SETD1B: variants seen among roughly 807,000 people sequenced by gnomAD.
SETD1B encodes histone-lysine N-methyltransferase SETD1B.
Under a neutral mutation model 148.0 loss-of-function variants are expected in SETD1B, and 7 were observed. The ratio of observed to expected loss-of-function variants is 0.05; its 90% CI spans 0.03 to 0.09. The LOEUF (loss-of-function observed/expected upper bound fraction) is 0.09. SETD1B is among the 10% of genes least tolerant of loss of function. The pLI is 1.00. For synonymous variants in SETD1B, 1,361 were observed against 1,186.5 expected (o/e 1.15, Z -3.02); for missense variants, 2,155 against 2,729.9 (o/e 0.79, Z 4.69).
chr12:121,819,401 C>T lies in SETD1B; in HGVS notation c.3419-3C>T, dbSNP rs1385774615. 1.3e-6 allele frequency: 2 copies of T among 1,551,702 alleles called. No homozygotes were observed. Among genetic ancestry groups the T allele is most frequent in the Admixed American group, 2.0e-5 (1 of 50,992 alleles). On this transcript the variant is annotated splice_polypyrimidine_tract_variant and splice_region_variant and intron_variant, in intron 10 of 16. Coordinates refer to ENST00000604567, the MANE Select transcript of SETD1B (RefSeq NM_001353345.2). ...CAGCCCCTCGTCTGTGTCCCCCATC[C>T]AGAGGAGACAGTGAGCATTGTAACC...
the SETD1B span, chr12:121,793,624 G>C: frequency 1.3e-6 from 2 of 1,542,754 alleles, no homozygotes; most frequent in Non-Finnish European, 1.7e-6. Context: ...AGGGCCCCGG[G>C]GGCATCCATT....
the SETD1B span, chr12:121,793,008 G>A: frequency 4.4e-6 from 3 of 679,324 alleles, no homozygotes; most frequent in East Asian, 8.2e-5. Flanking sequence ...CGCAGCCAGC[G>A]CCCCTGAGCG....
chr12:121,807,467 G>C (rs1361986245), intron 4 of SETD1B, among the ~76,000 whole-genome samples: 1 of 146,100 alleles, frequency 6.8e-6, no homozygotes, highest in African/African-American at 2.5e-5. Flanking sequence ...AAAAAGAAAA[G>C]AAAAGAAAAG....
chr12:121,809,939 A>C lies in SETD1B; in HGVS notation c.994A>C (p.Asn332His). Reference protein sequence around the residue: ...NRRHEHHYVHNSPAVTAVAGA... With the variant: ...NRRHEHHYVHHSPAVTAVAGA... ...CCGCCACGAACATCATTATGTACAC[A>C]ATTCTCCCGCGGTCACTGCGGTGGC... is the stretch of plus-strand genomic sequence containing the variant. Residue 332 changes from asparagine to histidine, a missense_variant, in exon 6 of 17, where the codon AAT becomes CAT. Physicochemically the swap from Asn to His is moderately conservative, Grantham distance 68. Transcript: ENST00000604567. The C allele has an allele frequency of 6.4e-7, 1 of 1,551,024 alleles. No homozygotes were observed. Among genetic ancestry groups the C allele is most frequent in the Non-Finnish European group, 8.7e-7 (1 of 1,146,936 alleles).
chr12:121,820,097 A>C (rs980197074), intron 11 of SETD1B, among the ~76,000 whole-genome samples: 1 of 152,208 alleles, frequency 6.6e-6, no homozygotes, highest in African/African-American at 2.4e-5. Flanking sequence ...GCATGGATCA[A>C]CCCAAAGGGG....
intron 11 of SETD1B, 77 bp downstream of exon 11, chr12:121,819,972 C>G: frequency 1.5e-5 from 19 of 1,280,338 alleles, no homozygotes; most frequent in Non-Finnish European, 2.0e-5. Flanking sequence ...CCCGGGCTTC[C>G]TGGGGTAGAT....
upstream of SETD1B, chr12:121,800,482 T>C (rs1224053705): frequency 2.6e-5 from 4 of 151,916 alleles, no homozygotes; most frequent in East Asian, 7.8e-4. Flanking sequence ...GGTCCGCGGC[T>C]TCCGGAGGAG....
At chr12:121,806,189 C>T in intron 4 of SETD1B, 84 bp downstream of exon 4, 1 of 1,426,958 alleles carries the variant, frequency 7.0e-7, no homozygotes, top group East Asian at 2.5e-5. Flanking sequence ...TGGGGAGGAC[C>T]CCCCCTCACT....
intron 12 of SETD1B, 48 bp from the exon 13 acceptor site, chr12:121,825,152 C>T (rs1423741657): frequency 6.5e-7 from 1 of 1,538,084 alleles, no homozygotes; most frequent in Non-Finnish European, 8.8e-7. Flanking sequence ...TATGAAGGGA[C>T]CAGAAGGGGC....
rs376587616 is a variant in SETD1B at position 121,819,510 on chromosome 12, G to A, written c.3525G>A (p.Ser1175=). 2,237 of 1,551,896 alleles carry A rather than the reference G, an allele frequency of 1.4e-3. 4 individuals carry two copies. Among genetic ancestry groups the A allele is most frequent in the Non-Finnish European group, 1.8e-3 (2,067 of 1,146,786 alleles). The part of the protein sequence containing the change: ...ESSSESSPSS[S]EDEEEVVARE... ...GCTCCGAGTCCTCGCCCTCATCCTC[G>A]GAGGATGAGGAGGAGGTAGTGGCCA... The change falls in exon 11 of 17, where the codon TCG becomes TCA. Residue 1175 remains serine, a synonymous_variant. Coordinates refer to ENST00000604567, the MANE Select transcript of SETD1B (RefSeq NM_001353345.2).
chr12:121,808,856 TC>T lies in SETD1B; in HGVS notation c.657+537del, dbSNP rs934659359. ...GGCTGACTAGCTGCCACTGGCCTGT[TC>T]ATCACTTTTTTTTTGTTTTATTTAT... On this transcript the variant is annotated intron_variant, in intron 5 of 16. Coordinates refer to ENST00000604567, the MANE Select transcript of SETD1B (RefSeq NM_001353345.2). The surrounding 1 kb of genome is among the most constrained non-coding windows in gnomAD (Gnocchi z 5.3). Among the ~76,000 whole-genome samples the T allele has an allele frequency of 1.3e-5, 2 of 152,200 alleles. No individual in the cohort carries two copies. The highest frequency in any genetic ancestry group is 2.4e-5 in the African/African-American group (1 of 41,456).
chr12:121,797,525 G>A, the SETD1B span: 2 of 456,590 alleles, frequency 4.4e-6, no homozygotes, highest in Admixed American at 4.7e-5. Flanking sequence ...GTACAGTCCA[G>A]CCAGGTGGGT....
chr12:121,827,911 A>C, intron 15 of SETD1B, 22 bp from the exon 16 acceptor site: 1 of 1,552,258 alleles, frequency 6.4e-7, no homozygotes, highest in Non-Finnish European at 8.7e-7. Context: ...GCCCAGCCAG[A>C]CTGACCCCCT....
intron 11 of SETD1B, among the ~76,000 whole-genome samples, chr12:121,821,107 T>C (rs1876546806): frequency 6.6e-6 from 1 of 152,192 alleles, no homozygotes; most frequent in Non-Finnish European, 1.5e-5. Context: ...TTTTGTTTAA[T>C]GTAATGTATT....
rs1205739090 is a variant in SETD1B at position 121,817,409 on chromosome 12, C to A, written c.3017C>A (p.Pro1006His). 7 of 1,534,622 alleles carry A rather than the reference C, an allele frequency of 4.6e-6. No individual in the cohort carries two copies. Among genetic ancestry groups the A allele is most frequent in the Admixed American group, 2.0e-5 (1 of 50,296 alleles). The change falls in exon 9 of 17, where the codon CCC becomes CAC. Residue 1006 changes from proline to histidine, a missense_variant. By Grantham distance (77) the Pro-to-His change is moderately conservative (BLOSUM62 -2). Around this residue, in one of 11 missense-constraint regions of SETD1B, gnomAD observed 289 missense variants for 423.7 expected, o/e 0.68. Coordinates refer to ENST00000604567, the MANE Select transcript of SETD1B (RefSeq NM_001353345.2). The surrounding 1 kb of genome is among the most constrained non-coding windows in gnomAD (Gnocchi z 8.1). ...CGAGACCGGGATATGGCAGACACCCCCTGTGAGCTCGCCAAGCGGGACCCC... is the reference window on the plus strand; with the variant it reads ...CGAGACCGGGATATGGCAGACACCCACTGTGAGCTCGCCAAGCGGGACCCC... ...RERDRDMADT[P>H]CELAKRDPKG...
chr12:121,825,836 G>T (rs1295233978), intron 13 of SETD1B, among the ~76,000 whole-genome samples: 1 of 151,996 alleles, frequency 6.6e-6, no homozygotes, highest in Non-Finnish European at 1.5e-5. Flanking sequence ...AGTAGAGATG[G>T]GGTTTTGCCA....
At chr12:121,813,111 C>G (rs1876118892) in intron 6 of SETD1B, among the ~76,000 whole-genome samples, 1 of 152,152 alleles carries the variant, frequency 6.6e-6, no homozygotes, top group Admixed American at 6.5e-5. Context: ...GGCTCCAGAC[C>G]TTCTTCTGAC....
Position 121,830,070 on chromosome 12 carries a change from A to G in SETD1B, c.5732A>G (p.Asn1911Ser). 6.5e-7 allele frequency: 1 copy of G among 1,550,094 alleles called. No individual in the cohort carries two copies. The highest frequency in any genetic ancestry group is 8.7e-7 in the Non-Finnish European group (1 of 1,145,932). Reference sequence around the variant, plus strand: ...TCCCCCCCACCTTGCCTGCAGCCCAACTGCTATGCCAAGGTGATCACGGTG... The same window carrying G: ...TCCCCCCCACCTTGCCTGCAGCCCAGCTGCTATGCCAAGGTGATCACGGTG... ...ARFINHSCNP[N>S]CYAKVITVES... Residue 1911 changes from asparagine to serine, a missense_variant, in exon 17 of 17, where the codon AAC becomes AGC. This residue lies in a region of SETD1B where 4 missense variants were observed against 58.1 expected (regional missense o/e 0.07). Coordinates refer to ENST00000604567, the MANE Select transcript of SETD1B (RefSeq NM_001353345.2). The surrounding 1 kb of genome is among the most constrained non-coding windows in gnomAD (Gnocchi z 5.7).
At chr12:121,822,411 G>C (rs1402116409) in intron 11 of SETD1B, 79 bp from the exon 12 acceptor site, 2 of 1,458,846 alleles carry the variant, frequency 1.4e-6, no homozygotes, top group African/African-American at 2.8e-5. Flanking sequence ...GAGCCTGCCA[G>C]GTATGGAGCA....
Sources: gnomAD v4.1 joint callset for allele counts (sites outside exome capture counted in the v4.1 genomes callset) on GRCh38, gnomAD v4.1.1 for gene constraint, gnomAD v4.1.1 regional missense constraint, Gnocchi (gnomAD v3.1) non-coding constraint, MANE v1.5 for transcripts, NCBI Gene and HGNC (gene_info 2026-07-23, HGNC 2026-07-21) for gene names.